GYPC: variants seen among roughly 807,000 people sequenced by gnomAD.
GYPC encodes glycophorin C (Gerbich blood group), also known as glycophorin-C.
GYPC carries 14 observed loss-of-function variants against 12.6 expected under a neutral mutation model. That is an observed-to-expected ratio of 1.11 (90% CI 0.74 to 1.74). GYPC has a LOEUF of 1.74. Among genes scored for constraint, GYPC ranks in the 40% most tolerant of loss-of-function variants. The probability of loss-of-function intolerance (pLI) is 0.00; values close to 1 mark genes in which losing one functional copy is unlikely to be tolerated. For missense variants in GYPC, 225 were observed against 172.1 expected, an observed-to-expected ratio of 1.31 and a Z score of -1.72; for synonymous variants, 78 against 62.1, an observed-to-expected ratio of 1.26 and a Z score of -1.20.
At position 126,656,366 on chromosome 2, in the gene GYPC, G is replaced by A. The variant is rs1029456925; in HGVS notation, c.49+54G>A. The A allele has an allele frequency of 7.0e-5, 104 of 1,475,796 alleles. No homozygotes were observed. In the Middle Eastern group the frequency reaches 9.5e-4, roughly 13 times the overall value. 91.4% of individuals were successfully genotyped at this position (1,475,796 alleles called of 1,614,324 possible). A position where few individuals can be genotyped will look rare whatever the true frequency, so the allele number is the denominator to read the frequency against. The stretch of plus-strand genomic sequence containing the variant: ...GGGGACCCACTGGAGGCCGCGGCCC[G>A]CAGCAGCCAGGGGCCGAGCCACGGC... On this transcript the variant is annotated intron_variant, in intron 1 of 3. Coordinates refer to ENST00000259254, the MANE Select transcript of GYPC (RefSeq NM_002101.5).
Position 126,688,068 on chromosome 2 carries a change from A to G in GYPC, c.50-2187A>G, listed in dbSNP as rs548510623. Among the ~76,000 whole-genome samples, 10 of 152,334 alleles carry G rather than the reference A, an allele frequency of 6.6e-5. No individual in the cohort carries two copies. In the East Asian group the frequency reaches 1.7e-3, roughly 26 times the overall value. On this transcript the variant is annotated intron_variant, in intron 1 of 3. Coordinates refer to ENST00000259254, the MANE Select transcript of GYPC (RefSeq NM_002101.5). ...CTGCCAAATCTGGAAAATGGGGCTA[A>G]TAATAACTCCTATCGAATGGAAATG...
At chr2:126,681,526 T>C (rs746763720) in intron 1 of GYPC, among the ~76,000 whole-genome samples, 1 of 152,144 alleles carries the variant, frequency 6.6e-6, no homozygotes, top group Non-Finnish European at 1.5e-5. Flanking sequence ...CTCAGGGTGA[T>C]ACATATGCCA....
At chr2:126,686,933 G>T (rs1322396850) in intron 1 of GYPC, among the ~76,000 whole-genome samples, 2 of 152,066 alleles carry the variant, frequency 1.3e-5, no homozygotes, top group African/African-American at 4.8e-5. Context: ...CTCCAGCAAG[G>T]GGCAGGCTTT....
chr2:126,663,327 C>T (rs533636778), intron 1 of GYPC, among the ~76,000 whole-genome samples: 15 of 152,346 alleles, frequency 9.8e-5, no homozygotes, highest in South Asian at 2.1e-4. Context: ...TGAGCCACCA[C>T]GCCCAGCCTC....
chr2:126,656,749 C>A (rs1326183738), intron 1 of GYPC, among the ~76,000 whole-genome samples: 2 of 152,240 alleles, frequency 1.3e-5, no homozygotes, highest in Non-Finnish European at 2.9e-5. Context: ...CCAGGCAACT[C>A]CAGCCTTGCC....
chr2:126,670,315 T>C (rs1319499172), intron 1 of GYPC, among the ~76,000 whole-genome samples: 2 of 152,206 alleles, frequency 1.3e-5, no homozygotes, highest in Non-Finnish European at 2.9e-5. Flanking sequence ...CAGGATTGCC[T>C]GGAGAAGTCT....
At chr2:126,667,819 A>G (rs1164066577) in intron 1 of GYPC, among the ~76,000 whole-genome samples, 1 of 152,198 alleles carries the variant, frequency 6.6e-6, no homozygotes, top group Non-Finnish European at 1.5e-5. Context: ...GAGCCCCACC[A>G]TTCAGATCAT....
At chr2:126,689,674 C>A (rs1215788077) in intron 1 of GYPC, among the ~76,000 whole-genome samples, 5 of 152,056 alleles carry the variant, frequency 3.3e-5, no homozygotes, top group Admixed American at 1.3e-4. Flanking sequence ...TTCTATATCA[C>A]CTTGTGGTCT....
At chr2:126,683,291 G>A (rs1683198879) in intron 1 of GYPC, among the ~76,000 whole-genome samples, 1 of 151,954 alleles carries the variant, frequency 6.6e-6, no homozygotes, top group Non-Finnish European at 1.5e-5. Flanking sequence ...TTGCACTCCA[G>A]CCTGGGCAAC....
intron 1 of GYPC, among the ~76,000 whole-genome samples, chr2:126,687,307 C>T (rs1683318870): frequency 1.3e-5 from 2 of 152,210 alleles, no homozygotes; most frequent in South Asian, 2.1e-4. Flanking sequence ...CACTTCCCAG[C>T]CTACAGCATG....
At chr2:126,665,299 T>C (rs1006300475) in intron 1 of GYPC, among the ~76,000 whole-genome samples, 2 of 152,216 alleles carry the variant, frequency 1.3e-5, no homozygotes, top group Non-Finnish European at 2.9e-5. Flanking sequence ...ATAGAGTACG[T>C]TGTTACAATT....
At chr2:126,693,348 G>C (rs756592015) in intron 2 of GYPC, among the ~76,000 whole-genome samples, 3 of 152,122 alleles carry the variant, frequency 2.0e-5, no homozygotes, top group Non-Finnish European at 4.4e-5. Flanking sequence ...GGAGTAGTAT[G>C]AGGCCCTCAC....
At chr2:126,694,051 C>T in intron 3 of GYPC, 104 bp downstream of exon 3, 4 of 802,512 alleles carry the variant, frequency 5.0e-6, no homozygotes, top group Non-Finnish European at 8.9e-6. Flanking sequence ...GTGGCTGTGG[C>T]CATTTTTTCT....
chr2:126,656,434 G>A, intron 1 of GYPC, 122 bp downstream of exon 1: 2 of 798,204 alleles, frequency 2.5e-6, no homozygotes, highest in Non-Finnish European at 4.0e-6. Context: ...GCCTCCAGGC[G>A]GAGGAGGCGT....
Position 126,696,079 on chromosome 2 carries a change from C to T in GYPC, c.324C>T (p.Ala108=), listed in dbSNP as rs764014645. ...AGTTTGCTGAGAGTGCAGATGCAGC[C>T]CTGCAGGGAGACCCTGCCCTCCAAG... ...GTEFAESADA[A]LQGDPALQDA... is the part of the protein sequence containing the mutation. Residue 108 remains alanine (A), a synonymous_variant, in exon 4 of 4, where the codon GCC becomes GCT. Transcript: ENST00000259254. 1.9e-6 allele frequency: 3 copies of T among 1,614,102 alleles called. No individual in the cohort carries two copies. Among genetic ancestry groups the T allele is most frequent in the Admixed American group, 1.7e-5 (1 of 60,026 alleles).
chr2:126,666,177 C>A (rs1413362622), intron 1 of GYPC, among the ~76,000 whole-genome samples: 1 of 152,182 alleles, frequency 6.6e-6, no homozygotes, highest in Non-Finnish European at 1.5e-5. Context: ...GACAGTCCTG[C>A]CAGCCCAGGC....
chr2:126,669,666 A>C (rs551630096), intron 1 of GYPC, among the ~76,000 whole-genome samples: 18 of 152,312 alleles, frequency 1.2e-4, no homozygotes, highest in African/African-American at 4.3e-4. Flanking sequence ...CTTGTCACTC[A>C]CTGAGAAAAC....
intron 1 of GYPC, among the ~76,000 whole-genome samples, chr2:126,666,331 T>C (rs1682676400): frequency 6.6e-6 from 1 of 152,136 alleles, no homozygotes; most frequent in South Asian, 2.1e-4. Context: ...GCTGGCAACT[T>C]TATTCTGTGT....
intron 2 of GYPC, among the ~76,000 whole-genome samples, chr2:126,691,516 G>A (rs1455544971): frequency 6.6e-6 from 1 of 152,156 alleles, no homozygotes; most frequent in Admixed American, 6.6e-5. Context: ...GGGAATGGGA[G>A]CAGGGTAGGC....
Sources: gnomAD v4.1 joint callset for allele counts (sites outside exome capture counted in the v4.1 genomes callset) on GRCh38, gnomAD v4.1.1 for gene constraint, MANE v1.5 for transcripts, NCBI Gene and HGNC (gene_info 2026-07-23, HGNC 2026-07-21) for gene names.